The following DNER variants were observed in gnomAD, a reference collection of about 807,000 sequenced individuals.
The protein encoded by DNER is delta/notch like EGF repeat containing.
A neutral mutation model predicts 78.2 loss-of-function variants in DNER; 33 were observed. That is an observed-to-expected ratio of 0.42 (90% confidence interval 0.32 to 0.56). DNER has a LOEUF of 0.56. Ranked by LOEUF, DNER falls within the 20% of genes least tolerant of loss-of-function variation. The probability of loss-of-function intolerance (pLI) is 0.11; values close to 1 mark genes in which losing one functional copy is unlikely to be tolerated. For synonymous variants in DNER, 417 were observed against 384.8 expected (o/e 1.08, Z -0.98); for missense variants, 918 against 975.3 (o/e 0.94, Z 0.78).
intron 4 of DNER, among the ~76,000 whole-genome samples, chr2:229,553,767 C>G (rs1696794267): frequency 6.6e-6 from 1 of 152,138 alleles, no homozygotes; most frequent in South Asian, 2.1e-4. Context: ...AGAAAACTGC[C>G]AACGATAACA....
chr2:229,541,649 A>G (rs1696515788), intron 5 of DNER, among the ~76,000 whole-genome samples: 2 of 151,960 alleles, frequency 1.3e-5, no homozygotes, highest in African/African-American at 4.8e-5. Context: ...GAGTGGCCTC[A>G]TCCAATCAGT....
chr2:229,378,179 A>G (rs1360123081), intron 11 of DNER, among the ~76,000 whole-genome samples: 1 of 152,164 alleles, frequency 6.6e-6, no homozygotes, highest in Non-Finnish European at 1.5e-5. Flanking sequence ...GAAAGAAGAC[A>G]GCCCTGCTGG....
chr2:229,590,067 G>A (rs1011668074), intron 2 of DNER, among the ~76,000 whole-genome samples: 27 of 150,934 alleles, frequency 1.8e-4, no homozygotes, highest in Non-Finnish European at 2.7e-4. Context: ...TCATTTAAAC[G>A]ATGAAACCCG....
chr2:229,482,140 G>A (rs1038915347), intron 6 of DNER, among the ~76,000 whole-genome samples: 3 of 152,194 alleles, frequency 2.0e-5, no homozygotes, highest in Non-Finnish European at 2.9e-5. Context: ...CCTCTAGCTA[G>A]TGGTACTCCC....
chr2:229,609,274 T>C (rs1179188231), intron 1 of DNER, among the ~76,000 whole-genome samples: 5 of 152,216 alleles, frequency 3.3e-5, no homozygotes, highest in Non-Finnish European at 2.9e-5. Context: ...ACCTTCTCTG[T>C]TCCAGGCATT....
chr2:229,572,813 A>G (rs891581596), intron 4 of DNER, among the ~76,000 whole-genome samples: 1 of 152,230 alleles, frequency 6.6e-6, no homozygotes, highest in Non-Finnish European at 1.5e-5. Context: ...ATGAGTAAAC[A>G]TATACAGTGT....
At chr2:229,685,394 A>T (rs1459204633) in intron 1 of DNER, among the ~76,000 whole-genome samples, 2 of 112,474 alleles carry the variant, frequency 1.8e-5, no homozygotes, top group East Asian at 8.7e-4. Context: ...TAAAAATATG[A>T]TGAGAACACT....
chr2:229,618,984 C>T lies in DNER; in HGVS notation c.277-27096G>A, dbSNP rs1279028764. On this transcript the variant is annotated intron_variant, in intron 1 of 12. Coordinates refer to ENST00000341772, the MANE Select transcript of DNER (RefSeq NM_139072.4). ...CTCCCTCTACACCCACTCCTGCTGCCCATCTCTACAAAAAATTTTAAAATT... is the reference window on the plus strand; with the variant it reads ...CTCCCTCTACACCCACTCCTGCTGCTCATCTCTACAAAAAATTTTAAAATT... Among the ~76,000 whole-genome samples the T allele has an allele frequency of 7.9e-5, 12 of 152,168 alleles. No homozygotes were observed. In the South Asian group the frequency reaches 2.5e-3, roughly 32 times the overall value.
At chr2:229,416,688 C>T (rs780723951) in intron 9 of DNER, among the ~76,000 whole-genome samples, 3 of 152,172 alleles carry the variant, frequency 2.0e-5, no homozygotes, top group Non-Finnish European at 4.4e-5. Context: ...TTCATTGAGT[C>T]ATCAGTTCTC....
chr2:229,389,498 G>C (rs11695607), intron 10 of DNER, among the ~76,000 whole-genome samples: 8,858 of 152,220 alleles, frequency 0.058, 306 homozygotes, highest in Middle Eastern at 0.085. Flanking sequence ...TTAGATAAAT[G>C]CAGAAAGTGA....
At chr2:229,408,921 C>G (rs1301925469) in intron 9 of DNER, among the ~76,000 whole-genome samples, 1 of 152,126 alleles carries the variant, frequency 6.6e-6, no homozygotes, top group African/African-American at 2.4e-5. Flanking sequence ...GCCTTTCTTT[C>G]CTTCCTGAGA....
rs1345383553 is a variant in DNER, at chr2:229,714,206, G to A, written c.218C>T (p.Ala73Val). Residue 73 changes from alanine (A) to valine (V), a missense_variant, in exon 1 of 13, where the codon GCC becomes GTC. Coordinates refer to ENST00000341772, the MANE Select transcript of DNER (RefSeq NM_139072.4). The stretch of plus-strand genomic sequence containing the variant: ...GGTGCAGCTGTAGCCAGGCTCGCCG[G>A]CGGGGGCCGGGTGCTGCGGGTCCGG... The part of the protein sequence containing the change: ...PEPDPQHPAP[A>V]GEPGYSCTCP... 8 of 1,384,126 alleles carry A rather than the reference G, an allele frequency of 5.8e-6. No individual in the cohort carries two copies. The highest frequency in any genetic ancestry group is 7.5e-6 in the Non-Finnish European group (8 of 1,072,532). 85.7% of individuals were successfully genotyped at this position (1,384,126 alleles called of 1,614,324 possible).
At position 229,358,523 on chromosome 2, in the gene DNER, A is replaced by C. The variant is rs777742060; in HGVS notation, c.*17T>G. 23 of 1,581,904 alleles carry C rather than the reference A, an allele frequency of 1.5e-5. No individual in the cohort carries two copies. Among genetic ancestry groups the C allele is most frequent in the Non-Finnish European group, 1.6e-5 (19 of 1,162,298 alleles). ...AGTGTAGTATCTCATCTTTTTGAAA[A>C]ATAATCCAAAAAAAGATTACAAATC... On this transcript the variant is annotated 3_prime_UTR_variant, in exon 13 of 13. Transcript: ENST00000341772.
chr2:229,462,295 C>T (rs1328940806), intron 7 of DNER, among the ~76,000 whole-genome samples: 1 of 151,944 alleles, frequency 6.6e-6, no homozygotes, highest in East Asian at 1.9e-4. Context: ...GAAATTTTTG[C>T]AATACTAAAG....
At chr2:229,677,793 T>C (rs1250902624) in intron 1 of DNER, among the ~76,000 whole-genome samples, 1 of 152,198 alleles carries the variant, frequency 6.6e-6, no homozygotes, top group African/African-American at 2.4e-5. Flanking sequence ...TCAATATGTT[T>C]AAGTTTTTTG....
At chr2:229,521,992 G>A (rs1168216991) in intron 5 of DNER, among the ~76,000 whole-genome samples, 1 of 151,474 alleles carries the variant, frequency 6.6e-6, no homozygotes, top group Admixed American at 6.6e-5. Context: ...TTTTATTCGG[G>A]TTCAGTAATT....
chr2:229,595,220 G>A (rs1451213479), intron 1 of DNER, among the ~76,000 whole-genome samples: 1 of 151,912 alleles, frequency 6.6e-6, no homozygotes, highest in Non-Finnish European at 1.5e-5. Context: ...TTTTACAGTT[G>A]AGGCTTAACA....
chr2:229,682,376 T>C (rs1435358722), intron 1 of DNER, among the ~76,000 whole-genome samples: 1 of 152,220 alleles, frequency 6.6e-6, no homozygotes, highest in East Asian at 1.9e-4. Flanking sequence ...GTAACTTTCA[T>C]TTGCCTAGTA....
At chr2:229,538,942 C>T (rs1696463637) in intron 5 of DNER, among the ~76,000 whole-genome samples, 1 of 152,244 alleles carries the variant, frequency 6.6e-6, no homozygotes, top group Non-Finnish European at 1.5e-5. Context: ...TCTGCACCCC[C>T]TCTCACTGCT....
Sources: allele counts gnomAD v4.1 joint callset (sites outside exome capture counted in the v4.1 genomes callset), GRCh38; gene constraint gnomAD v4.1.1; transcripts MANE v1.5; gene names NCBI Gene and HGNC (gene_info 2026-07-23, HGNC 2026-07-21).